Variants in LRRC4C observed in about 807,000 individuals in gnomAD.
LRRC4C encodes the protein leucine-rich repeat-containing protein 4C.
LRRC4C carries 5 observed loss-of-function variants against 33.6 expected under a neutral mutation model. That is an observed-to-expected ratio of 0.15 (90% confidence interval 0.08 to 0.31). LRRC4C has a LOEUF of 0.31. Among genes scored for constraint, LRRC4C ranks in the 10% least tolerant of loss-of-function variants. LRRC4C has a pLI of 1.00. For synonymous variants in LRRC4C, 329 were observed against 302.0 expected, an observed-to-expected ratio of 1.09 and a Z score of -0.93; for missense variants, 560 against 796.7, an observed-to-expected ratio of 0.70 and a Z score of 3.58.
At chr11:40,159,495 G>C (rs1858983756) in intron 5 of LRRC4C, among the ~76,000 whole-genome samples, 1 of 152,130 alleles carries the variant, frequency 6.6e-6, no homozygotes, top group Admixed American at 6.6e-5. Flanking sequence ...GATTATACCA[G>C]ATTAAGAAAT....
chr11:40,985,394 T>G (rs1315742119), intron 1 of LRRC4C, among the ~76,000 whole-genome samples: 1 of 152,140 alleles, frequency 6.6e-6, no homozygotes, highest in East Asian at 1.9e-4. Context: ...TTATCATAAC[T>G]ATGGTAACAA....
At chr11:41,355,832 A>C (rs1450376854) in intron 1 of LRRC4C, among the ~76,000 whole-genome samples, 2 of 152,102 alleles carry the variant, frequency 1.3e-5, no homozygotes, top group Non-Finnish European at 2.9e-5. Flanking sequence ...ACATTCCTAA[A>C]GCTCTTAAAC....
At chr11:41,198,604 C>A (rs964271087) in intron 1 of LRRC4C, among the ~76,000 whole-genome samples, 1 of 137,088 alleles carries the variant, frequency 7.3e-6, no homozygotes, top group African/African-American at 2.5e-5. Flanking sequence ...CTGACAAGAA[C>A]AAGAAATATA....
At chr11:41,388,020 A>G (rs764213146) in intron 1 of LRRC4C, among the ~76,000 whole-genome samples, 3 of 151,888 alleles carry the variant, frequency 2.0e-5, no homozygotes, top group Non-Finnish European at 2.9e-5. Flanking sequence ...TCTGAAAGGC[A>G]TCAAAAGATA....
intron 2 of LRRC4C, among the ~76,000 whole-genome samples, chr11:40,838,559 G>A (rs1452322102): frequency 6.6e-6 from 1 of 151,996 alleles, no homozygotes; most frequent in African/African-American, 2.4e-5. Flanking sequence ...CTTGCTATGT[G>A]CATAAATTCT....
intron 1 of LRRC4C, among the ~76,000 whole-genome samples, chr11:40,989,398 C>T (rs1853336076): frequency 6.6e-6 from 1 of 152,122 alleles, no homozygotes; most frequent in Admixed American, 6.5e-5. Context: ...GATGAAAAAA[C>T]TGCTGTTCAC....
intron 1 of LRRC4C, among the ~76,000 whole-genome samples, chr11:41,156,298 C>A (rs1487084): frequency 6.6e-6 from 1 of 152,102 alleles, no homozygotes; most frequent in Non-Finnish European, 1.5e-5. Context: ...ATCACTGTAA[C>A]TGTAATCTAT....
At chr11:40,604,484 C>T (rs992631931) in intron 3 of LRRC4C, among the ~76,000 whole-genome samples, 2 of 152,028 alleles carry the variant, frequency 1.3e-5, no homozygotes, top group African/African-American at 4.8e-5. Flanking sequence ...AAAATTCCTT[C>T]ATGTCTTTAC....
intron 1 of LRRC4C, among the ~76,000 whole-genome samples, chr11:41,214,486 T>C (rs531576938): frequency 4.7e-5 from 7 of 149,858 alleles, no homozygotes; most frequent in African/African-American, 1.7e-4. Flanking sequence ...AATCCTAGCA[T>C]TTTGGGAGGC....
At chr11:40,642,458 T>A (rs981479588) in intron 3 of LRRC4C, among the ~76,000 whole-genome samples, 1 of 152,158 alleles carries the variant, frequency 6.6e-6, no homozygotes, top group Non-Finnish European at 1.5e-5. Context: ...TAGCAAGCCA[T>A]GTGTGATGAC....
chr11:40,485,107 C>A (rs886187377), intron 3 of LRRC4C, among the ~76,000 whole-genome samples: 1 of 151,914 alleles, frequency 6.6e-6, no homozygotes, highest in Non-Finnish European at 1.5e-5. Context: ...AGGAAGAGCT[C>A]AAAATCACAA....
intron 3 of LRRC4C, among the ~76,000 whole-genome samples, chr11:40,572,416 G>A (rs116074321): frequency 0.022 from 3,403 of 152,248 alleles, 132 homozygotes; most frequent in African/African-American, 0.077. Flanking sequence ...GTTCCAACAG[G>A]TGGAAAGAGC....
intron 2 of LRRC4C, among the ~76,000 whole-genome samples, chr11:40,783,547 G>A (rs1054045139): frequency 1.3e-5 from 2 of 151,310 alleles, no homozygotes; most frequent in Non-Finnish European, 2.9e-5. Context: ...GACCTCAAGT[G>A]ATCTACCCAC....
At chr11:41,120,098 T>C (rs1483624701) in intron 1 of LRRC4C, among the ~76,000 whole-genome samples, 2 of 152,080 alleles carry the variant, frequency 1.3e-5, no homozygotes, top group Admixed American at 1.3e-4. Flanking sequence ...CTAGCAGAGA[T>C]CTGGCCTTAA....
intron 3 of LRRC4C, among the ~76,000 whole-genome samples, chr11:40,343,690 G>A (rs1455040754): frequency 6.2e-5 from 6 of 97,378 alleles, no homozygotes; most frequent in Admixed American, 1.2e-4. Flanking sequence ...AAAGAATAAC[G>A]AATCCAGGAG....
At chr11:40,135,418 G>T (rs569457438) in intron 6 of LRRC4C, among the ~76,000 whole-genome samples, 1 of 152,244 alleles carries the variant, frequency 6.6e-6, no homozygotes, top group Admixed American at 6.5e-5. Flanking sequence ...ATGAGCTTCA[G>T]TTAACACAGT....
chr11:41,243,054 T>C (rs1264089254), intron 1 of LRRC4C, among the ~76,000 whole-genome samples: 1 of 152,166 alleles, frequency 6.6e-6, no homozygotes, highest in Non-Finnish European at 1.5e-5. Flanking sequence ...TCTGTTAAAC[T>C]CCGAAGTGTC....
intron 1 of LRRC4C, among the ~76,000 whole-genome samples, chr11:41,413,826 G>GT (rs926269870): frequency 6.6e-6 from 1 of 152,146 alleles, no homozygotes; most frequent in Non-Finnish European, 1.5e-5. Flanking sequence ...CTCAAACAAT[G>GT]TTTTTTGACA....
rs1382493867 is a variant in LRRC4C at position 40,268,674 on chromosome 11, A to T, written c.-175-27076T>A. ...GGTAAAAAAAAAATCAGCAAAAAAA[A>T]TAAAAGATTAAAAATATGGCTTTTA... On this transcript the variant is annotated intron_variant, in intron 4 of 6. Transcript: ENST00000528697. Among the ~76,000 whole-genome samples the T allele has an allele frequency of 2.0e-5, 3 of 152,318 alleles. No individual in the cohort carries two copies. The East Asian group carries it at 5.8e-4, about 29-fold the overall frequency.
Sources: gnomAD v4.1 joint callset for allele counts (sites outside exome capture counted in the v4.1 genomes callset) on GRCh38, gnomAD v4.1.1 for gene constraint, MANE v1.5 for transcripts, NCBI Gene and HGNC (gene_info 2026-07-23, HGNC 2026-07-21) for gene names.